Variants in SEPTIN14 observed in about 807,000 individuals in gnomAD.
SEPTIN14 encodes septin 14.
Under a neutral mutation model 53.6 loss-of-function variants are expected in SEPTIN14, and 40 were observed. The observed-to-expected ratio is 0.75, with a 90% CI of 0.58 to 0.97. The LOEUF (loss-of-function observed/expected upper bound fraction) is 0.97. Among genes scored for constraint, SEPTIN14 ranks in the 50% least tolerant of loss-of-function variants. The probability of loss-of-function intolerance (pLI) is 0.00; values close to 1 mark genes in which losing one functional copy is unlikely to be tolerated. For missense variants in SEPTIN14, 471 were observed against 508.2 expected (o/e 0.93, Z 0.70); for synonymous variants, 138 against 166.8 (o/e 0.83, Z 1.33).
At chr7:55,825,979 G>A (rs1359703977) in intron 6 of SEPTIN14, among the ~76,000 whole-genome samples, 1 of 152,082 alleles carries the variant, frequency 6.6e-6, no homozygotes, top group East Asian at 1.9e-4. Flanking sequence ...GCAGGCGCCT[G>A]TAGTCCCAGC....
chr7:55,840,126 TAAAA>T (rs1297159977), intron 5 of SEPTIN14, among the ~76,000 whole-genome samples: 1 of 113,712 alleles, frequency 8.8e-6, no homozygotes, highest in Non-Finnish European at 1.9e-5. Flanking sequence ...GCCTGGGCAT[TAAAA>T]AAAAAAAAAA....
chr7:55,839,993 A>G (rs1044117490), intron 5 of SEPTIN14, among the ~76,000 whole-genome samples: 1 of 151,130 alleles, frequency 6.6e-6, no homozygotes, highest in Admixed American at 6.6e-5. Flanking sequence ...AAAAATACAA[A>G]AATTAGCTGG....
intron 6 of SEPTIN14, among the ~76,000 whole-genome samples, chr7:55,822,722 C>T (rs1235633870): frequency 6.6e-6 from 1 of 152,022 alleles, no homozygotes; most frequent in Non-Finnish European, 1.5e-5. Context: ...ACAAACAGAC[C>T]TTACATATTT....
In SEPTIN14 at chr7:55,795,141, A is replaced by C. The variant is rs1306080584; in HGVS notation, c.*772T>G. 1.3e-5 allele frequency: 2 copies of C among 152,192 alleles called. No homozygotes were observed. Among genetic ancestry groups the C allele is most frequent in the Non-Finnish European group, 2.9e-5 (2 of 68,038 alleles). 9.4% of individuals were successfully genotyped at this position (152,192 alleles called of 1,614,324 possible). A position where few individuals can be genotyped will look rare whatever the true frequency, so the allele number is the denominator to read the frequency against. On this transcript the variant is annotated 3_prime_UTR_variant, in exon 10 of 10. Coordinates refer to ENST00000388975, the MANE Select transcript of SEPTIN14 (RefSeq NM_207366.3). The stretch of plus-strand genomic sequence containing the variant: ...TCATAAAAACTGTCAAGAAATTATC[A>C]GTAGTAGAACTTAAAAAGGAAAATA...
At chr7:55,849,931 T>C (rs1412366364) in intron 2 of SEPTIN14, among the ~76,000 whole-genome samples, 1 of 151,910 alleles carries the variant, frequency 6.6e-6, no homozygotes, top group Non-Finnish European at 1.5e-5. Flanking sequence ...TAAATAAATT[T>C]CATTGGGAAA....
chr7:55,857,164 G>A (rs1789645764), intron 2 of SEPTIN14, among the ~76,000 whole-genome samples: 1 of 151,186 alleles, frequency 6.6e-6, no homozygotes, highest in Admixed American at 6.6e-5. Flanking sequence ...CCTGAGGTCG[G>A]GAGTTTGAGA....
At chr7:55,829,033 G>A (rs79229054) in intron 6 of SEPTIN14, among the ~76,000 whole-genome samples, 4 of 144,896 alleles carry the variant, frequency 2.8e-5, no homozygotes, top group Non-Finnish European at 6.1e-5. Flanking sequence ...TTTTTTTTTT[G>A]TCTGTGTTAG....
intron 3 of SEPTIN14, among the ~76,000 whole-genome samples, chr7:55,845,856 T>C (rs959093204): frequency 2.7e-5 from 4 of 148,646 alleles, no homozygotes; most frequent in African/African-American, 9.9e-5. Flanking sequence ...GAGACCATCC[T>C]GGCTAACATG....
chr7:55,854,173 A>G (rs1789567378), intron 2 of SEPTIN14, among the ~76,000 whole-genome samples: 1 of 152,170 alleles, frequency 6.6e-6, no homozygotes, highest in South Asian at 2.1e-4. Flanking sequence ...TTAATAGTAT[A>G]AAGTAAAATC....
intron 2 of SEPTIN14, among the ~76,000 whole-genome samples, chr7:55,849,289 C>A (rs1789478908): frequency 3.3e-5 from 5 of 151,740 alleles, no homozygotes; most frequent in Admixed American, 3.3e-4. Flanking sequence ...CGGACCACTG[C>A]ATTCCAGCCT....
chr7:55,855,860 G>C (rs1356156109), intron 2 of SEPTIN14, among the ~76,000 whole-genome samples: 1 of 151,876 alleles, frequency 6.6e-6, no homozygotes, highest in East Asian at 1.9e-4. Context: ...GCCTGTAGCT[G>C]CTTTTTTTTG....
At chr7:55,798,693 A>G in intron 9 of SEPTIN14, 1 of 268,964 alleles carries the variant, frequency 3.7e-6, no homozygotes. Context: ...CACCCCAACC[A>G]GGACAACTGG....
chr7:55,852,988 A>T (rs1287587747), intron 2 of SEPTIN14, among the ~76,000 whole-genome samples: 1 of 152,190 alleles, frequency 6.6e-6, no homozygotes, highest in East Asian at 1.9e-4. Flanking sequence ...CTACAATGAT[A>T]TATCATCTCA....
At chr7:55,828,527 A>G (rs1301314633) in intron 6 of SEPTIN14, among the ~76,000 whole-genome samples, 4 of 152,068 alleles carry the variant, frequency 2.6e-5, no homozygotes, top group African/African-American at 9.7e-5. Context: ...GATGGTCTCG[A>G]TCTCCTGACC....
chr7:55,813,150 A>G (rs1174419582), intron 7 of SEPTIN14, among the ~76,000 whole-genome samples: 3 of 152,030 alleles, frequency 2.0e-5, no homozygotes, highest in African/African-American at 7.2e-5. Flanking sequence ...GGGTTTCACC[A>G]TATTGGTCAG....
chr7:55,860,148 CA>C lies in SEPTIN14; in HGVS notation c.54+1794del, dbSNP rs200565682. 3.6e-3 allele frequency among the ~76,000 whole-genome samples: 533 copies of C among 149,058 alleles called. 5 individuals are homozygous for C. Among genetic ancestry groups the C allele is most frequent in the African/African-American group, 0.012 (503 of 40,652 alleles). On this transcript the variant is annotated intron_variant, in intron 2 of 9. Coordinates refer to ENST00000388975, the MANE Select transcript of SEPTIN14 (RefSeq NM_207366.3). Reference sequence around the variant, plus strand: ...GAGCTGAGATCATGCCATTGCACTCCAGCCTGGGCAACAAGAGTGAAACTCC... The same window carrying C: ...GAGCTGAGATCATGCCATTGCACTCCGCCTGGGCAACAAGAGTGAAACTCC...
chr7:55,849,472 A>C (rs1324236875), intron 2 of SEPTIN14, among the ~76,000 whole-genome samples: 1 of 152,076 alleles, frequency 6.6e-6, no homozygotes, highest in African/African-American at 2.4e-5. Context: ...ACAGCCAGGC[A>C]TGGTGGCTCA....
Position 55,830,345 on chromosome 7 carries a change from A to ATTTT in SEPTIN14, c.720+4079_720+4080insAAAA, listed in dbSNP as rs1337453699. 5.7e-3 allele frequency among the ~76,000 whole-genome samples: 229 copies of ATTTT among 40,060 alleles called. 15 individuals are homozygous for ATTTT. Among genetic ancestry groups the ATTTT allele is most frequent in the South Asian group, 7.7e-3 (6 of 778 alleles). 26.3% of individuals were successfully genotyped at this position (40,060 alleles called of 152,430 possible). ...TGTATATATATATATATATATATAT[A>ATTTT]TATATTTTTTTTTTTTTTTGAGACG... On this transcript the variant is annotated intron_variant, in intron 6 of 9. Coordinates refer to ENST00000388975, the MANE Select transcript of SEPTIN14 (RefSeq NM_207366.3).
At chr7:55,857,287 A>C (rs1049568529) in intron 2 of SEPTIN14, among the ~76,000 whole-genome samples, 7 of 150,904 alleles carry the variant, frequency 4.6e-5, no homozygotes, top group African/African-American at 1.7e-4. Context: ...CAGGAGAATC[A>C]CTTGAACCCA....
Sources: allele counts gnomAD v4.1 joint callset (sites outside exome capture counted in the v4.1 genomes callset), GRCh38; gene constraint gnomAD v4.1.1; transcripts MANE v1.5; gene names NCBI Gene and HGNC (gene_info 2026-07-23, HGNC 2026-07-21).